Variants in MAP2K6 observed in about 807,000 individuals in gnomAD.
MAP2K6 encodes mitogen-activated protein kinase kinase 6.
In MAP2K6, 16 loss-of-function variants were observed where a neutral mutation model predicts 53.7. The observed-to-expected ratio is 0.30, with a 90% confidence interval of 0.20 to 0.45. The LOEUF is 0.45. MAP2K6 is among the 20% of genes least tolerant of loss of function. The pLI is 1.00. For missense variants in MAP2K6, 204 were observed against 411.9 expected, an observed-to-expected ratio of 0.50 and a Z score of 4.37; for synonymous variants, 132 against 143.1, an observed-to-expected ratio of 0.92 and a Z score of 0.55.
intron 2 of MAP2K6, among the ~76,000 whole-genome samples, chr17:69,508,083 C>T (rs1223535092): frequency 3.4e-5 from 2 of 58,400 alleles, no homozygotes; most frequent in Non-Finnish European, 6.1e-5. Flanking sequence ...CGGAGTTTCG[C>T]TCTTGTTGCC....
At chr17:69,488,646 C>T (rs1245736235) in intron 1 of MAP2K6, among the ~76,000 whole-genome samples, 1 of 152,082 alleles carries the variant, frequency 6.6e-6, no homozygotes, top group Admixed American at 6.5e-5. Flanking sequence ...CAAGTCAGTG[C>T]AGGAACAGAA....
chr17:69,472,066 G>C lies in MAP2K6; in HGVS notation c.17-33714G>C, dbSNP rs192572502. ...TTTCAGAGGCCTTGGGTTATTCTGA[G>C]CATGTTGATTTCAAGTCCTGTAAAG... On this transcript the variant is annotated intron_variant, in intron 1 of 11. Transcript: ENST00000590474. Among the ~76,000 whole-genome samples the C allele has an allele frequency of 3.9e-5, 6 of 152,234 alleles. No individual in the cohort carries two copies. In the East Asian group the frequency reaches 1.2e-3, roughly 29 times the overall value.
In MAP2K6 at chr17:69,524,893, C is replaced by A. The variant is rs1028255964; in HGVS notation, c.664-8C>A. On this transcript the variant is annotated splice_region_variant and splice_polypyrimidine_tract_variant and intron_variant, in intron 8 of 11. Transcript: ENST00000590474. ...TCCCAGTTTCTCAGTTGTCTGTCTT[C>A]TTTCCAGCCTGAAAGAATAAACCCA... is the stretch of plus-strand genomic sequence containing the variant. The A allele has an allele frequency of 5.0e-6, 8 of 1,609,924 alleles. No individual in the cohort carries two copies. In the Middle Eastern group the frequency reaches 9.9e-4, roughly 200 times the overall value.
In MAP2K6 at chr17:69,553,849, A is replaced by T. The variant is rs1262613554; in HGVS notation, c.*12096A>T. Reference sequence around the variant, plus strand: ...TAAGAAAATGTACAACCAATAAAAGACATTTTAAAAAGCGTAGTGAGTCTG... The same window carrying T: ...TAAGAAAATGTACAACCAATAAAAGTCATTTTAAAAAGCGTAGTGAGTCTG... On this transcript the variant is annotated 3_prime_UTR_variant, in exon 12 of 12. Coordinates refer to ENST00000590474, the MANE Select transcript of MAP2K6 (RefSeq NM_002758.4). The T allele has an allele frequency of 1.3e-5, 2 of 152,208 alleles. No homozygotes were observed. Among genetic ancestry groups the T allele is most frequent in the East Asian group, 3.8e-4 (2 of 5,202 alleles). 9.4% of individuals were successfully genotyped at this position (152,208 alleles called of 1,614,324 possible).
At chr17:69,460,628 A>T (rs1488270798) in intron 1 of MAP2K6, among the ~76,000 whole-genome samples, 2 of 152,266 alleles carry the variant, frequency 1.3e-5, no homozygotes, top group Non-Finnish European at 1.5e-5. Flanking sequence ...TTGTTGGGAT[A>T]GGGTCCCAAT....
intron 10 of MAP2K6, 93 bp downstream of exon 10, chr17:69,526,802 A>G: frequency 7.0e-7 from 1 of 1,425,942 alleles, no homozygotes; most frequent in Non-Finnish European, 9.4e-7. Context: ...TCATGCATAC[A>G]TTCATTCCGA....
At chr17:69,445,381 G>T (rs1646102584) in intron 1 of MAP2K6, among the ~76,000 whole-genome samples, 1 of 152,194 alleles carries the variant, frequency 6.6e-6, no homozygotes, top group Non-Finnish European at 1.5e-5. Context: ...AAGTCTGTCT[G>T]TCAGTAAGCT....
intron 1 of MAP2K6, among the ~76,000 whole-genome samples, chr17:69,438,058 G>T (rs1316660044): frequency 2.6e-5 from 4 of 152,248 alleles, no homozygotes; most frequent in African/African-American, 9.6e-5. Flanking sequence ...TAGAAAGTGA[G>T]TTGAGAACTC....
chr17:69,502,036 CTTTCT>C, intron 1 of MAP2K6: 1 of 445,206 alleles, frequency 2.2e-6, no homozygotes, highest in South Asian at 9.6e-5. Context: ...TATTGTTTTT[CTTTCT>C]TTTAAGAAAT....
At chr17:69,495,450 G>T (rs757037304) in intron 1 of MAP2K6, among the ~76,000 whole-genome samples, 5 of 151,796 alleles carry the variant, frequency 3.3e-5, no homozygotes, top group Non-Finnish European at 7.4e-5. Flanking sequence ...TGGCCAGGGT[G>T]GTCTCAAACT....
At chr17:69,505,477 A>C in intron 1 of MAP2K6, 1 of 238,578 alleles carries the variant, frequency 4.2e-6, no homozygotes, top group Non-Finnish European at 8.2e-6. Context: ...TGCAATGACA[A>C]ATTCTCAGTG....
chr17:69,456,128 T>C (rs1426139007), intron 1 of MAP2K6, among the ~76,000 whole-genome samples: 2 of 152,200 alleles, frequency 1.3e-5, no homozygotes, highest in Admixed American at 6.5e-5. Flanking sequence ...CCCAAAGTGC[T>C]GGGATTACAG....
chr17:69,479,238 C>T (rs1908265447), intron 1 of MAP2K6, among the ~76,000 whole-genome samples: 1 of 151,966 alleles, frequency 6.6e-6, no homozygotes, highest in South Asian at 2.1e-4. Flanking sequence ...ATTCTTAGCC[C>T]TAGTTCATGG....
At chr17:69,501,191 T>C (rs982137735) in intron 1 of MAP2K6, among the ~76,000 whole-genome samples, 1 of 152,210 alleles carries the variant, frequency 6.6e-6, no homozygotes, top group African/African-American at 2.4e-5. Flanking sequence ...CATCCTTTTG[T>C]GAAGCTGTGT....
At chr17:69,533,940 A>C (rs1196694526) in intron 10 of MAP2K6, among the ~76,000 whole-genome samples, 4 of 152,090 alleles carry the variant, frequency 2.6e-5, no homozygotes, top group Non-Finnish European at 5.9e-5. Context: ...TGGTCCTTTT[A>C]AGTGAAGGGG....
chr17:69,459,680 C>A (rs2145168611), intron 1 of MAP2K6, among the ~76,000 whole-genome samples: 1 of 131,802 alleles, frequency 7.6e-6, no homozygotes, highest in South Asian at 2.4e-4. Flanking sequence ...CCACTGCACT[C>A]CAGCCCGGGC....
In MAP2K6 at chr17:69,485,365, G is replaced by A. The variant is rs533112100; in HGVS notation, c.17-20415G>A. On this transcript the variant is annotated intron_variant, in intron 1 of 11. Transcript: ENST00000590474. ...CGGAGGAGGCCTTTAGAAGAAAGAA[G>A]GAAGTTTTAGATCATGCCTGCAATT... is the stretch of plus-strand genomic sequence containing the variant. 24 of 420,570 alleles carry A rather than the reference G, an allele frequency of 5.7e-5. 1 individual carries two copies. Among genetic ancestry groups the A allele is most frequent in the African/African-American group, 3.9e-4 (18 of 46,330 alleles). 26.1% of individuals were successfully genotyped at this position (420,570 alleles called of 1,614,324 possible).
chr17:69,487,345 G>C (rs969213248), intron 1 of MAP2K6, among the ~76,000 whole-genome samples: 62 of 152,318 alleles, frequency 4.1e-4, no homozygotes, highest in South Asian at 2.1e-4. Flanking sequence ...ACCCCATGCA[G>C]CTGTAGTGAT....
intron 1 of MAP2K6, among the ~76,000 whole-genome samples, chr17:69,438,369 G>A (rs528772817): frequency 3.9e-5 from 6 of 152,196 alleles, no homozygotes; most frequent in Admixed American, 6.5e-5. Flanking sequence ...TCATTTACAT[G>A]CATTATCTCA....
Sources: allele counts gnomAD v4.1 joint callset (sites outside exome capture counted in the v4.1 genomes callset), GRCh38; gene constraint gnomAD v4.1.1; transcripts MANE v1.5; gene names NCBI Gene and HGNC (gene_info 2026-07-23, HGNC 2026-07-21).